The following EVA1C variants were observed in gnomAD, a reference collection of about 807,000 sequenced individuals.
EVA1C encodes eva-1 homolog C, also known as protein eva-1 homolog C.
Under a neutral mutation model 45.4 loss-of-function variants are expected in EVA1C, and 25 were observed. That is an observed-to-expected ratio of 0.55 (90% CI 0.40 to 0.77). The LOEUF (loss-of-function observed/expected upper bound fraction) is 0.77. Among genes scored for constraint, EVA1C ranks in the 30% least tolerant of loss-of-function variants. The pLI is 0.00. For synonymous variants in EVA1C, 190 were observed against 221.2 expected (o/e 0.86, Z 1.25); for missense variants, 479 against 554.8 (o/e 0.86, Z 1.37).
chr21:32,445,360 G>GAAAGGGA (rs1172641904), intron 1 of EVA1C, among the ~76,000 whole-genome samples: 1 of 152,210 alleles, frequency 6.6e-6, no homozygotes, highest in Non-Finnish European at 1.5e-5. Context: ...TTGCCAGGGT[G>GAAAGGGA]AAATTCAACA....
At chr21:32,498,173 G>A (rs2037412969) in intron 5 of EVA1C, among the ~76,000 whole-genome samples, 1 of 152,190 alleles carries the variant, frequency 6.6e-6, no homozygotes, top group Non-Finnish European at 1.5e-5. Context: ...ACGGCCAGGT[G>A]CGGTGGCTCA....
chr21:32,513,057 C>A, intron 7 of EVA1C, among the ~76,000 whole-genome samples: 1 of 149,352 alleles, frequency 6.7e-6, no homozygotes, highest in African/African-American at 2.5e-5. Context: ...ATAATACTTA[C>A]AATAATATAG....
At chr21:32,489,180 G>C (rs1157152203) in intron 4 of EVA1C, among the ~76,000 whole-genome samples, 1 of 152,202 alleles carries the variant, frequency 6.6e-6, no homozygotes, top group East Asian at 1.9e-4. Context: ...CCAAGGTCAA[G>C]GAGTTTTCCC....
At chr21:32,481,166 A>G (rs2036770986) in intron 4 of EVA1C, among the ~76,000 whole-genome samples, 1 of 152,100 alleles carries the variant, frequency 6.6e-6, no homozygotes, top group Non-Finnish European at 1.5e-5. Context: ...TTTACTTTGT[A>G]ACAGGAAAAA....
intron 1 of EVA1C, among the ~76,000 whole-genome samples, chr21:32,439,355 G>A (rs1188826951): frequency 6.6e-6 from 1 of 152,208 alleles, no homozygotes; most frequent in African/African-American, 2.4e-5. Flanking sequence ...GGGCCATTTG[G>A]TGAAGCGGAG....
At chr21:32,419,694 G>C (rs1431322237) in intron 1 of EVA1C, among the ~76,000 whole-genome samples, 1 of 151,828 alleles carries the variant, frequency 6.6e-6, no homozygotes, top group East Asian at 1.9e-4. Flanking sequence ...CAGCCTGGGT[G>C]ACAGAGCGAG....
intron 1 of EVA1C, among the ~76,000 whole-genome samples, chr21:32,449,643 A>C (rs2035504408): frequency 6.9e-6 from 1 of 144,734 alleles, no homozygotes; most frequent in African/African-American, 2.6e-5. Flanking sequence ...TTTTTTTGAG[A>C]TGGGGTTTTG....
Position 32,475,931 on chromosome 21 carries a change from A to C in EVA1C, c.634+8083A>C, listed in dbSNP as rs58488785. Among the ~76,000 whole-genome samples the C allele has an allele frequency of 4.8e-3, 622 of 130,238 alleles. 11 individuals are homozygous for C. Among genetic ancestry groups the C allele is most frequent in the East Asian group, 0.017 (77 of 4,492 alleles). 85.4% of individuals were successfully genotyped at this position (130,238 alleles called of 152,430 possible). ...TCTATCTATCTATCTATCTATCTAT[A>C]TAAACAGGAATGTATAACTGTGGTT... On this transcript the variant is annotated intron_variant, in intron 4 of 7. Transcript: ENST00000300255.
At chr21:32,435,042 G>T (rs1250719268) in intron 1 of EVA1C, among the ~76,000 whole-genome samples, 1 of 152,296 alleles carries the variant, frequency 6.6e-6, no homozygotes, top group Non-Finnish European at 1.5e-5. Context: ...GCACAGACAG[G>T]TTCAGTAATT....
At chr21:32,473,838 A>G in intron 4 of EVA1C, 4 of 842,622 alleles carry the variant, frequency 4.7e-6, no homozygotes, top group Non-Finnish European at 5.7e-6. Context: ...CGGTGAGGTC[A>G]GAGCTGAACC....
intron 2 of EVA1C, among the ~76,000 whole-genome samples, chr21:32,454,740 G>C (rs573778607): frequency 6.6e-6 from 1 of 152,206 alleles, no homozygotes; most frequent in East Asian, 1.9e-4. Flanking sequence ...GAACTAAGGA[G>C]AAATAAGAGT....
intron 1 of EVA1C, among the ~76,000 whole-genome samples, chr21:32,415,998 C>T (rs747187602): frequency 3.9e-5 from 6 of 152,152 alleles, no homozygotes; most frequent in Non-Finnish European, 8.8e-5. Flanking sequence ...AAAACAAACC[C>T]CAGAAGTATA....
chr21:32,438,674 T>C (rs1288493764), intron 1 of EVA1C, among the ~76,000 whole-genome samples: 1 of 151,730 alleles, frequency 6.6e-6, no homozygotes, highest in Non-Finnish European at 1.5e-5. Context: ...GATTTAGGGG[T>C]TATAAATAAA....
At chr21:32,481,395 C>T (rs1163341656) in intron 4 of EVA1C, among the ~76,000 whole-genome samples, 1 of 137,868 alleles carries the variant, frequency 7.3e-6, no homozygotes, top group African/African-American at 2.9e-5. Flanking sequence ...AGAGAAGAAA[C>T]AGAACCTTTT....
intron 1 of EVA1C, among the ~76,000 whole-genome samples, chr21:32,439,810 T>C (rs540691339): frequency 5.6e-4 from 85 of 152,194 alleles, no homozygotes; most frequent in African/African-American, 2.0e-3. Context: ...ATTTTTGAGG[T>C]TTATAGTGCT....
At chr21:32,510,881 T>C (rs2037924272) in intron 7 of EVA1C, among the ~76,000 whole-genome samples, 1 of 151,518 alleles carries the variant, frequency 6.6e-6, no homozygotes, top group African/African-American at 2.4e-5. Context: ...CAAAAAAATA[T>C]AATAAAAAGT....
At chr21:32,440,883 CT>C (rs1353333256) in intron 1 of EVA1C, among the ~76,000 whole-genome samples, 1 of 152,130 alleles carries the variant, frequency 6.6e-6, no homozygotes, top group African/African-American at 2.4e-5. Flanking sequence ...GGCAGATCAC[CT>C]GAGGTCGGAA....
rs766399783 is a variant in EVA1C, at chr21:32,485,678, C to T, written c.635-9349C>T. On this transcript the variant is annotated intron_variant, in intron 4 of 7. Coordinates refer to ENST00000300255, the MANE Select transcript of EVA1C (RefSeq NM_058187.5). ...CCAAATTGTTTGAGTTCCTGATTCT[C>T]GCAATACCTTTTCCCACTCTTGTCT... Among the ~76,000 whole-genome samples the T allele has an allele frequency of 5.0e-4, 76 of 152,172 alleles. 1 individual carries two copies. The highest frequency in any genetic ancestry group is 9.3e-4 in the Non-Finnish European group (63 of 68,046).
rs1308112474 is a variant in EVA1C, at chr21:32,503,170, A to AG, written c.860-755dup. Among the ~76,000 whole-genome samples the AG allele has an allele frequency of 2.6e-5, 4 of 152,376 alleles. No individual in the cohort carries two copies. The East Asian group carries it at 7.7e-4, about 29-fold the overall frequency. ...ACATTTTGCTGTTGTTTCCAAAAAA[A>AG]GTAGCCCAATACAACCTCCCTCTGT... On this transcript the variant is annotated intron_variant, in intron 6 of 7. Transcript: ENST00000300255.
Sources: gnomAD v4.1 joint callset for allele counts (sites outside exome capture counted in the v4.1 genomes callset) on GRCh38, gnomAD v4.1.1 for gene constraint, MANE v1.5 for transcripts, NCBI Gene and HGNC (gene_info 2026-07-23, HGNC 2026-07-21) for gene names.